ITGA4: variants seen among roughly 807,000 people sequenced by gnomAD.
ITGA4 encodes integrin alpha-4.
A neutral mutation model predicts 133.6 loss-of-function variants in ITGA4; 63 were observed. That is an observed-to-expected ratio of 0.47 (90% CI 0.38 to 0.58). ITGA4 has a LOEUF of 0.58. ITGA4 is among the 20% of genes least tolerant of loss of function. ITGA4 has a pLI of 0.00. For synonymous variants in ITGA4, 483 were observed against 438.0 expected, an observed-to-expected ratio of 1.10 and a Z score of -1.28; for missense variants, 1,076 against 1,252.7, an observed-to-expected ratio of 0.86 and a Z score of 2.13.
At chr2:181,492,966 T>A in intron 10 of ITGA4, 1 of 175,796 alleles carries the variant, frequency 5.7e-6, no homozygotes, top group Non-Finnish European at 1.2e-5. Flanking sequence ...TATGATCCCA[T>A]TATATAGGTG....
chr2:181,531,379 A>AT (rs1686941767), intron 24 of ITGA4, among the ~76,000 whole-genome samples: 1 of 152,212 alleles, frequency 6.6e-6, no homozygotes, highest in Non-Finnish European at 1.5e-5. Context: ...GATTAGGAAC[A>AT]TTTTTTAAAA....
At position 181,538,286 on chromosome 2, in the gene ITGA4, T is replaced by A; in HGVS notation, c.*2759T>A. 1.7e-6 allele frequency: 2 copies of A among 1,201,980 alleles called. No homozygotes were observed. Among genetic ancestry groups the A allele is most frequent in the South Asian group, 2.4e-5 (2 of 81,652 alleles). The allele number at this position is 1,201,980 out of a possible 1,614,324, so 74.5% of individuals were successfully genotyped here. ...TTATTTCATCAACTTATTTTGTTGT[T>A]TTTCACATACACCTAATAAGTATGG... On this transcript the variant is annotated 3_prime_UTR_variant, in exon 28 of 28. Coordinates refer to ENST00000397033, the MANE Select transcript of ITGA4 (RefSeq NM_000885.6).
In ITGA4 at chr2:181,485,808, A is replaced by G. The variant is rs1199419944; in HGVS notation, c.1042-73A>G. The stretch of plus-strand genomic sequence containing the variant: ...GACACATTAGAAAAAATCCATATCC[A>G]ATTACAACAGTAAATCGTGTAAAGT... On this transcript the variant is annotated intron_variant, in intron 9 of 27. Coordinates refer to ENST00000397033, the MANE Select transcript of ITGA4 (RefSeq NM_000885.6). 3.1e-6 allele frequency: 4 copies of G among 1,287,130 alleles called. No homozygotes were observed. In the African/African-American group the frequency reaches 6.0e-5, roughly 19 times the overall value. 79.7% of individuals were successfully genotyped at this position (1,287,130 alleles called of 1,614,324 possible).
intron 16 of ITGA4, 90 bp from the exon 17 acceptor site, chr2:181,511,609 C>T (rs867963421): frequency 1.5e-6 from 1 of 648,990 alleles, no homozygotes; most frequent in Non-Finnish European, 2.7e-6. Context: ...TTATTTTTCT[C>T]ATGCATCACA....
rs1046188112 is a variant in ITGA4, at chr2:181,483,535, C to G, written c.1041+884C>G. 4.6e-5 allele frequency among the ~76,000 whole-genome samples: 7 copies of G among 152,264 alleles called. No individual in the cohort carries two copies. The East Asian group carries it at 5.8e-4, about 13-fold the overall frequency. The stretch of plus-strand genomic sequence containing the variant: ...ATGGTTTCAGAGCATTTAGCAAGTT[C>G]TTATATTAAGCATCAGACTAAACTC... On this transcript the variant is annotated intron_variant, in intron 9 of 27. Transcript: ENST00000397033.
chr2:181,515,484 A>C (rs12619341), intron 17 of ITGA4, among the ~76,000 whole-genome samples: 16,348 of 152,118 alleles, frequency 0.11, 1,089 homozygotes, highest in East Asian at 0.22. Flanking sequence ...AATTCTATAC[A>C]TAATTCTGCA....
Position 181,534,840 on chromosome 2 carries a change from C to G in ITGA4, c.2908C>G (p.Gln970Glu), listed in dbSNP as rs1316138010. The G allele has an allele frequency of 1.3e-6, 2 of 1,597,310 alleles. No homozygotes were observed. The highest frequency in any genetic ancestry group is 1.4e-5 in the African/African-American group (1 of 73,742). ...AHVLLEGLHH[Q>E]RPKRYFTIVI... Reference sequence around the variant, plus strand: ...GGTTCTACTGGAAGGACTACATCATCAAAGACCCAAACGTTATTTCACCAT... The same window carrying G: ...GGTTCTACTGGAAGGACTACATCATGAAAGACCCAAACGTTATTTCACCAT... Residue 970 changes from glutamine to glutamate, a missense_variant, in exon 27 of 28, where the codon CAA (glutamine) becomes GAA (glutamate). By Grantham distance (29) the Gln-to-Glu change is conservative. Transcript: ENST00000397033.
At chr2:181,466,867 C>G (rs566287936) in intron 2 of ITGA4, among the ~76,000 whole-genome samples, 1 of 152,054 alleles carries the variant, frequency 6.6e-6, no homozygotes, top group East Asian at 1.9e-4. Context: ...ATGCACGTAC[C>G]CTGAGGAGCA....
chr2:181,477,299 G>T (rs1472988868), intron 4 of ITGA4, among the ~76,000 whole-genome samples: 2 of 152,026 alleles, frequency 1.3e-5, no homozygotes, highest in Non-Finnish European at 2.9e-5. Context: ...CTTGACATTA[G>T]TCTAGGCAAT....
intron 4 of ITGA4, among the ~76,000 whole-genome samples, chr2:181,477,764 A>G (rs1394088007): frequency 6.6e-6 from 1 of 152,176 alleles, no homozygotes; most frequent in African/African-American, 2.4e-5. Flanking sequence ...AAATTGGTAC[A>G]GCCATTATAG....
At chr2:181,508,077 A>T (rs1686430629) in intron 15 of ITGA4, among the ~76,000 whole-genome samples, 1 of 152,162 alleles carries the variant, frequency 6.6e-6, no homozygotes, top group African/African-American at 2.4e-5. Context: ...TTGTAAGTTG[A>T]TAGAAAATAT....
At chr2:181,489,402 TCAGA>T (rs1222492166) in intron 10 of ITGA4, among the ~76,000 whole-genome samples, 3 of 142,634 alleles carry the variant, frequency 2.1e-5, no homozygotes, top group African/African-American at 7.8e-5. Flanking sequence ...AAAAAATCGG[TCAGA>T]CAGACTAATG....
In ITGA4 at chr2:181,494,809, G is replaced by T. The variant is rs199517780; in HGVS notation, c.1336G>T (p.Val446Leu). ...GQIDADNNGYVDVAVGAFRSD... is the reference protein window; with the variant it reads ...GQIDADNNGYLDVAVGAFRSD... Reference sequence around the variant, plus strand: ...AATTGATGCAGATAATAATGGCTATGTAGGTGAGTAATTAGTTTATCATAA... The same window carrying T: ...AATTGATGCAGATAATAATGGCTATTTAGGTGAGTAATTAGTTTATCATAA... Residue 446 changes from valine to leucine, a missense_variant, in exon 12 of 28, where the codon GTA (valine) becomes TTA (leucine). By Grantham distance (32) the Val-to-Leu change is conservative (BLOSUM62 1). Transcript: ENST00000397033. 1.4e-6 allele frequency: 2 copies of T among 1,446,936 alleles called. No homozygotes were observed. The highest frequency in any genetic ancestry group is 1.9e-6 in the Non-Finnish European group (2 of 1,027,976). 89.6% of individuals were successfully genotyped at this position (1,446,936 alleles called of 1,614,324 possible).
intron 2 of ITGA4, among the ~76,000 whole-genome samples, chr2:181,463,988 G>A (rs948638146): frequency 6.6e-6 from 1 of 152,076 alleles, no homozygotes; most frequent in Non-Finnish European, 1.5e-5. Context: ...CAAACTACTA[G>A]AATCTCTGGG....
At chr2:181,509,132 TC>T (rs1686451706) in intron 15 of ITGA4, among the ~76,000 whole-genome samples, 1 of 90,082 alleles carries the variant, frequency 1.1e-5, no homozygotes, top group East Asian at 3.5e-4. Flanking sequence ...ACATCCCATC[TC>T]TTAAAAAAAA....
At chr2:181,462,018 T>A (rs1467119258) in intron 2 of ITGA4, among the ~76,000 whole-genome samples, 1 of 152,046 alleles carries the variant, frequency 6.6e-6, no homozygotes, top group Non-Finnish European at 1.5e-5. Flanking sequence ...TTAGGTTAAA[T>A]AAAATTAATT....
chr2:181,497,323 A>C (rs989732158), intron 14 of ITGA4, among the ~76,000 whole-genome samples: 1 of 152,216 alleles, frequency 6.6e-6, no homozygotes, highest in African/African-American at 2.4e-5. Context: ...ATACCTTATA[A>C]TTATCATAAA....
chr2:181,471,286 C>G (rs1685544075), intron 2 of ITGA4, among the ~76,000 whole-genome samples: 1 of 152,060 alleles, frequency 6.6e-6, no homozygotes, highest in Non-Finnish European at 1.5e-5. Flanking sequence ...CATTTCAGCA[C>G]CCATTTCTGG....
At position 181,525,405 on chromosome 2, in the gene ITGA4, C is replaced by CT. The variant is rs879744100; in HGVS notation, c.2339+115dup. The CT allele has an allele frequency of 6.8e-4, 396 of 585,050 alleles. 7 individuals are homozygous for CT. In the Admixed American group the frequency reaches 0.011, roughly 17 times the overall value. The allele number at this position is 585,050 out of a possible 1,614,324, so 36.2% of individuals were successfully genotyped here. ...ATTTTTTTAAAATAAAAAGGATACT[C>CT]TATCTTTTAATAATTACCTCATTGT... On this transcript the variant is annotated intron_variant, in intron 21 of 27. Transcript: ENST00000397033.
Sources: gnomAD v4.1 joint callset for allele counts (sites outside exome capture counted in the v4.1 genomes callset) on GRCh38, gnomAD v4.1.1 for gene constraint, MANE v1.5 for transcripts, NCBI Gene and HGNC (gene_info 2026-07-23, HGNC 2026-07-21) for gene names.